The following OLFML2B variants were observed in gnomAD, a reference collection of about 807,000 sequenced individuals.
The protein encoded by OLFML2B is olfactomedin like 2B, also known as olfactomedin-like protein 2B.
In OLFML2B, 57 loss-of-function variants were observed where a neutral mutation model predicts 74.9. That is an observed-to-expected ratio of 0.76 (90% CI 0.61 to 0.95). The LOEUF (loss-of-function observed/expected upper bound fraction) is 0.95. OLFML2B is among the 40% of genes least tolerant of loss of function. The probability of loss-of-function intolerance (pLI) is 0.00; values close to 1 mark genes in which losing one functional copy is unlikely to be tolerated. For synonymous variants in OLFML2B, 388 were observed against 405.8 expected (o/e 0.96, Z 0.53); for missense variants, 986 against 970.6 (o/e 1.02, Z -0.21).
intron 3 of OLFML2B, among the ~76,000 whole-genome samples, chr1:162,012,806 G>A (rs1690428651): frequency 6.6e-6 from 1 of 152,090 alleles, no homozygotes; most frequent in Non-Finnish European, 1.5e-5. Context: ...GCAAGGTGGG[G>A]GTGGGACATT....
intron 5 of OLFML2B, among the ~76,000 whole-genome samples, chr1:161,999,786 G>C (rs1166903948): frequency 6.6e-6 from 1 of 152,202 alleles, no homozygotes; most frequent in African/African-American, 2.4e-5. Context: ...CCACCTTGTG[G>C]CTCTAAGCAA....
chr1:162,016,249 C>A (rs532614408), intron 3 of OLFML2B, among the ~76,000 whole-genome samples: 1 of 152,168 alleles, frequency 6.6e-6, no homozygotes, highest in Admixed American at 6.5e-5. Flanking sequence ...TACTTTGTAT[C>A]CTCTCAGCAA....
chr1:161,984,353 T>C, intron 7 of OLFML2B, 77 bp from the exon 8 acceptor site: 1 of 1,496,692 alleles, frequency 6.7e-7, no homozygotes, highest in Non-Finnish European at 8.9e-7. Context: ...AAGTGAGTGA[T>C]GATCAACGAG....
chr1:161,999,163 A>G (rs1195530352), intron 5 of OLFML2B, among the ~76,000 whole-genome samples: 1 of 152,188 alleles, frequency 6.6e-6, no homozygotes, highest in African/African-American at 2.4e-5. Flanking sequence ...GCAGAGATGG[A>G]ATATGGAGAG....
chr1:162,023,313 C>A lies in OLFML2B; in HGVS notation c.118G>T (p.Ala40Ser). Residue 40 changes from alanine (A) to serine (S), a missense_variant, in exon 1 of 8, where the codon GCG becomes TCG. Transcript: ENST00000294794. ...TCGTTTTGCAGAGTCTCGTCCTCCG[C>A]AGGCGCCACTGTCTGCGCATCTGGG... ...EPPDAQTVAP[A>S]EDETLQNEAD... 1 of 1,605,418 alleles carries A rather than the reference C, an allele frequency of 6.2e-7. No homozygotes were observed. Among genetic ancestry groups the A allele is most frequent in the Non-Finnish European group, 8.5e-7 (1 of 1,174,676 alleles).
At chr1:162,014,285 C>T (rs1571308634) in intron 3 of OLFML2B, among the ~76,000 whole-genome samples, 1 of 152,334 alleles carries the variant, frequency 6.6e-6, no homozygotes, top group East Asian at 1.9e-4. Context: ...AGCAGAGCTG[C>T]TCCCAGAGCT....
intron 2 of OLFML2B, 31 bp from the exon 3 acceptor site, chr1:162,017,538 G>T (rs1450790372): frequency 6.5e-7 from 1 of 1,528,242 alleles, no homozygotes. Flanking sequence ...TTAGTCCAGG[G>T]CTGGGGCACA....
chr1:162,010,111 AGAAGAG>A (rs563671386), intron 3 of OLFML2B, among the ~76,000 whole-genome samples: 1 of 152,332 alleles, frequency 6.6e-6, no homozygotes, highest in Admixed American at 6.5e-5. Flanking sequence ...GGCACACTGA[AGAAGAG>A]GGAAGGGAAG....
rs202140010 is a variant in OLFML2B, at chr1:161,998,098, A to G, written c.1201T>C (p.Ser401Pro). Residue 401 changes from serine (S) to proline (P), a missense_variant, in exon 6 of 8, where the codon TCT becomes CCT. Physicochemically the swap from Ser to Pro is moderately conservative, Grantham distance 74. Transcript: ENST00000294794. ...VGPTLQTTSVSPDPTRESVLQ... is the reference protein window; with the variant it reads ...VGPTLQTTSVPPDPTRESVLQ... ...ACTGACTCCCTTGTGGGATCTGGAG[A>G]CACCGAGGTTGTTTGGAGTGTTGGT... The G allele has an allele frequency of 6.2e-7, 1 of 1,613,888 alleles. No individual in the cohort carries two copies. The highest frequency in any genetic ancestry group is 1.3e-5 in the African/African-American group (1 of 74,984).
At chr1:162,006,022 G>T (rs1020304078) in intron 4 of OLFML2B, among the ~76,000 whole-genome samples, 1 of 151,828 alleles carries the variant, frequency 6.6e-6, no homozygotes, top group Non-Finnish European at 1.5e-5. Flanking sequence ...GTTCACAAAG[G>T]TGGGATATCA....
chr1:162,006,115 G>T (rs547495092), intron 4 of OLFML2B, among the ~76,000 whole-genome samples, 182 bp downstream of exon 4: 1 of 152,306 alleles, frequency 6.6e-6, no homozygotes, highest in African/African-American at 2.4e-5. Flanking sequence ...CTGGGCTTCA[G>T]TGTGAAGTAA....
intron 6 of OLFML2B, among the ~76,000 whole-genome samples, chr1:161,991,756 G>A (rs1415699523): frequency 6.6e-6 from 1 of 152,152 alleles, no homozygotes; most frequent in Non-Finnish European, 1.5e-5. Context: ...TTCTTTTTCT[G>A]AGCAGTAGGT....
At chr1:162,020,268 A>AAT in intron 1 of OLFML2B, 86 bp from the exon 2 acceptor site, 1 of 1,505,950 alleles carries the variant, frequency 6.6e-7, no homozygotes. Flanking sequence ...ACTTAGTCAA[A>AAT]TGTCCTGCAC....
chr1:162,021,251 G>A (rs1690696514), intron 1 of OLFML2B, among the ~76,000 whole-genome samples: 2 of 152,248 alleles, frequency 1.3e-5, no homozygotes, highest in Non-Finnish European at 2.9e-5. Flanking sequence ...TCATGCTTCT[G>A]AACCTAAACC....
rs1690789037 is a variant in OLFML2B at position 162,023,406 on chromosome 1, G to A, written c.25C>T (p.Leu9Phe). The A allele has an allele frequency of 1.9e-6, 3 of 1,579,170 alleles. No individual in the cohort carries two copies. The South Asian group carries it at 3.4e-5, about 18-fold the overall frequency. The change falls in exon 1 of 8, where the codon CTC (leucine) becomes TTC (phenylalanine). Residue 9 changes from leucine (L) to phenylalanine (F), a missense_variant. Physicochemically the swap from Leu to Phe is conservative, Grantham distance 22. Coordinates refer to ENST00000294794, the MANE Select transcript of OLFML2B (RefSeq NM_015441.3). ...GGAACCACAATCAGAGCGAAGTAGA[G>A]AACTAGCAGCCGAGGCTTGGCCATG... Reference protein sequence around the residue: MAKPRLLVLYFALIVVPAW... With the variant: MAKPRLLVFYFALIVVPAW...
intron 3 of OLFML2B, among the ~76,000 whole-genome samples, chr1:162,007,552 G>C (rs73021264): frequency 0.019 from 2,893 of 152,284 alleles, 86 homozygotes; most frequent in African/African-American, 0.066. Flanking sequence ...CCCTGTTTAT[G>C]AGGTTGAGGA....
intron 1 of OLFML2B, among the ~76,000 whole-genome samples, chr1:162,022,220 C>T (rs1274011854): frequency 6.7e-6 from 1 of 148,344 alleles, no homozygotes; most frequent in Non-Finnish European, 1.5e-5. Context: ...TGTCAGACGC[C>T]CTGGCTCTAC....
intron 7 of OLFML2B, 41 bp downstream of exon 7, chr1:161,984,763 G>A: frequency 6.3e-7 from 1 of 1,592,438 alleles, no homozygotes; most frequent in East Asian, 2.2e-5. Context: ...GAGGACGTGG[G>A]GAAGGGAAGG....
chr1:162,010,797 C>T (rs1206671659), intron 3 of OLFML2B, among the ~76,000 whole-genome samples: 3 of 152,070 alleles, frequency 2.0e-5, no homozygotes, highest in Non-Finnish European at 4.4e-5. Context: ...ACACCACAGT[C>T]ATGGCCTACT....
Sources: allele counts gnomAD v4.1 joint callset (sites outside exome capture counted in the v4.1 genomes callset), GRCh38; gene constraint gnomAD v4.1.1; transcripts MANE v1.5; gene names NCBI Gene and HGNC (gene_info 2026-07-23, HGNC 2026-07-21).